The following SYNE1 variants were observed in gnomAD, a reference collection of about 807,000 sequenced individuals.
SYNE1 encodes the protein nesprin-1.
SYNE1 carries 616 observed loss-of-function variants against 1,111.0 expected under a neutral mutation model. The ratio of observed to expected loss-of-function variants is 0.55; its 90% CI spans 0.52 to 0.59. SYNE1 has a LOEUF of 0.59. Ranked by LOEUF, SYNE1 falls within the 20% of genes least tolerant of loss-of-function variation. SYNE1 has a pLI of 0.00. For missense variants in SYNE1, 10,006 were observed against 10,417.0 expected, an observed-to-expected ratio of 0.96 and a Z score of 1.72; for synonymous variants, 3,855 against 3,825.8, an observed-to-expected ratio of 1.01 and a Z score of -0.28.
chr6:152,216,794 G>A (rs2078794821), intron 121 of SYNE1, among the ~76,000 whole-genome samples: 1 of 152,188 alleles, frequency 6.6e-6, no homozygotes, highest in East Asian at 1.9e-4. Context: ...AGTGGCTCAT[G>A]CCTGTAATCC....
intron 21 of SYNE1, among the ~76,000 whole-genome samples, chr6:152,460,328 G>A (rs919233852): frequency 1.3e-5 from 2 of 152,128 alleles, no homozygotes; most frequent in African/African-American, 4.8e-5. Flanking sequence ...TAACTTGAAT[G>A]TTAAAATAAA....
chr6:152,262,206 A>T lies in SYNE1; in HGVS notation c.18816-18T>A. 6.2e-7 allele frequency: 1 copy of T among 1,612,284 alleles called. No individual in the cohort carries two copies. Among genetic ancestry groups the T allele is most frequent in the Non-Finnish European group, 8.5e-7 (1 of 1,178,972 alleles). ...GTTTTTCGCTATTAGAAGAATAAAT[A>T]ATCTAAGTTTACAATGTGCACAAAA... On this transcript the variant is annotated intron_variant, in intron 100 of 145. Coordinates refer to ENST00000367255, the MANE Select transcript of SYNE1 (RefSeq NM_182961.4).
chr6:152,352,400 T>C, intron 69 of SYNE1, 47 bp from the exon 70 acceptor site: 1 of 1,536,148 alleles, frequency 6.5e-7, no homozygotes, highest in Non-Finnish European at 8.7e-7. Context: ...GTTTCTTTTC[T>C]TTTCTTTCTT....
intron 17 of SYNE1, 86 bp downstream of exon 17, chr6:152,465,896 G>A (rs2098763242): frequency 9.9e-7 from 1 of 1,010,306 alleles, no homozygotes; most frequent in South Asian, 1.3e-5. Context: ...TCCACGGACA[G>A]AAAGAATGAT....
intron 75 of SYNE1, among the ~76,000 whole-genome samples, chr6:152,337,581 G>A (rs1007681690): frequency 3.3e-5 from 5 of 152,158 alleles, no homozygotes; most frequent in South Asian, 2.1e-4. Context: ...GAGCCACTGC[G>A]CCCAGCGAAA....
At chr6:152,125,350 G>C in intron 145 of SYNE1, 2 of 1,550,138 alleles carry the variant, frequency 1.3e-6, no homozygotes, top group Non-Finnish European at 1.7e-6. Flanking sequence ...CGTGTCTAAA[G>C]CCTCTGGTCA....
Position 152,181,326 on chromosome 6 carries a change from C to T in SYNE1, c.23302-1032G>A, listed in dbSNP as rs150039904. On this transcript the variant is annotated intron_variant, in intron 128 of 145. Coordinates refer to ENST00000367255, the MANE Select transcript of SYNE1 (RefSeq NM_182961.4). ...ACTTGGGAAGTTGAGGCAGGAGAGT[C>T]GCTTGGGCCCAGGAGGCAGAGGTTG... 3.0e-3 allele frequency among the ~76,000 whole-genome samples: 461 copies of T among 152,250 alleles called. 1 individual carries two copies. The highest frequency in any genetic ancestry group is 9.0e-3 in the African/African-American group (372 of 41,560).
intron 118 of SYNE1, 78 bp downstream of exon 118, chr6:152,221,348 C>T: frequency 6.5e-7 from 1 of 1,545,646 alleles, no homozygotes. Flanking sequence ...CAAATTCAAA[C>T]TGTCATTGTT....
intron 108 of SYNE1, 67 bp from the exon 109 acceptor site, chr6:152,237,015 T>C: frequency 6.3e-7 from 1 of 1,587,822 alleles, no homozygotes; most frequent in South Asian, 1.1e-5. Flanking sequence ...CTTCCTTGGG[T>C]GCAAAATACG....
rs1330511311 is a variant in SYNE1 at position 152,326,448 on chromosome 6, A to G, written c.15141T>C (p.Ser5047=). The G allele has an allele frequency of 6.2e-7, 1 of 1,614,182 alleles. No individual in the cohort carries two copies. Among genetic ancestry groups the G allele is most frequent in the East Asian group, 2.2e-5 (1 of 44,882 alleles). ...CCAGGCTGTGGAGCTCCTCCAGGTT[A>G]CTATGGAACTGATCCTCTGTACTGA... ...EFFSTEDQFH[S]NLEELHSLVA... Residue 5047 remains serine, a synonymous_variant, in exon 79 of 146, where the codon AGT becomes AGC. Transcript: ENST00000367255.
chr6:152,446,509 G>A (rs1232901638), intron 29 of SYNE1, among the ~76,000 whole-genome samples: 1 of 152,174 alleles, frequency 6.6e-6, no homozygotes, highest in Non-Finnish European at 1.5e-5. Context: ...GATTTAAATG[G>A]ATTAAAAACA....
chr6:152,203,182 T>C (rs184673863), intron 126 of SYNE1, among the ~76,000 whole-genome samples: 106 of 152,312 alleles, frequency 7.0e-4, no homozygotes, highest in African/African-American at 2.3e-3. Context: ...GGAAATTTCA[T>C]TTTTTACTCT....
intron 3 of SYNE1, among the ~76,000 whole-genome samples, chr6:152,588,063 A>G (rs62427727): frequency 8.4e-4 from 128 of 152,288 alleles, no homozygotes; most frequent in Non-Finnish European, 1.6e-3. Flanking sequence ...GTAAAATTTC[A>G]AGACTGCTTC....
intron 131 of SYNE1, among the ~76,000 whole-genome samples, chr6:152,159,978 C>T (rs2062124612): frequency 6.6e-6 from 1 of 151,970 alleles, no homozygotes; most frequent in Non-Finnish European, 1.5e-5. Context: ...ATATTTTTCA[C>T]ATTTGAGGAA....
chr6:152,180,278 T>A lies in SYNE1; in HGVS notation c.23318A>T (p.Gln7773Leu). Residue 7773 changes from glutamine to leucine, a missense_variant, in exon 129 of 146, where the codon CAG becomes CTG. By Grantham distance (113) the Gln-to-Leu change is moderately radical. Coordinates refer to ENST00000367255, the MANE Select transcript of SYNE1 (RefSeq NM_182961.4). ...TTCATTCAATCTTTCACCTATTTGC[T>A]GCCGCCTTAAGGAGAGCTGAAAAGT... is the stretch of plus-strand genomic sequence containing the variant. Reference protein sequence around the residue: ...ELCHQLSLRRQQIGERLNEWA... With the variant: ...ELCHQLSLRRLQIGERLNEWA... 1 of 1,614,104 alleles carries A rather than the reference T, an allele frequency of 6.2e-7. No homozygotes were observed. The highest frequency in any genetic ancestry group is 8.5e-7 in the Non-Finnish European group (1 of 1,179,990).
At chr6:152,268,201 C>A in intron 99 of SYNE1, 36 bp from the exon 100 acceptor site, 1 of 1,533,470 alleles carries the variant, frequency 6.5e-7, no homozygotes. Context: ...AACACATTTG[C>A]TACTTTATGA....
intron 127 of SYNE1, among the ~76,000 whole-genome samples, chr6:152,191,233 CTTTTTTTTTTTT>C (rs34434403): frequency 7.1e-6 from 1 of 140,204 alleles, no homozygotes; most frequent in African/African-American, 2.6e-5. Context: ...TATAATTTTC[CTTTTTTTTTTTT>C]TTTTGATGTG....
intron 99 of SYNE1, 21 bp downstream of exon 99, chr6:152,269,134 G>C (rs995496076): frequency 1.9e-6 from 3 of 1,614,034 alleles, no homozygotes; most frequent in African/African-American, 2.7e-5. Context: ...GCAAGCTAGA[G>C]AGAGGTAGGA....
chr6:152,192,473 T>TATG (rs2072790395), intron 127 of SYNE1, among the ~76,000 whole-genome samples: 1 of 151,718 alleles, frequency 6.6e-6, no homozygotes, highest in Non-Finnish European at 1.5e-5. Flanking sequence ...ATTAAATGTA[T>TATG]ATTATTATTA....
Sources: allele counts gnomAD v4.1 joint callset (sites outside exome capture counted in the v4.1 genomes callset), GRCh38; gene constraint gnomAD v4.1.1; transcripts MANE v1.5; gene names NCBI Gene and HGNC (gene_info 2026-07-23, HGNC 2026-07-21).